NKAIN3: variants seen among roughly 807,000 people sequenced by gnomAD.
NKAIN3 encodes sodium/potassium-transporting ATPase subunit beta-1-interacting protein 3.
A neutral mutation model predicts 30.2 loss-of-function variants in NKAIN3; 25 were observed. The observed-to-expected ratio is 0.83, with a 90% CI of 0.60 to 1.16. The LOEUF (loss-of-function observed/expected upper bound fraction) is 1.16, where lower values mean the gene tolerates loss of function less well. Among genes scored for constraint, NKAIN3 ranks in the 50% most tolerant of loss-of-function variants. The pLI, the probability that NKAIN3 is intolerant of heterozygous loss-of-function variation, is 0.00. For synonymous variants in NKAIN3, 91 were observed against 89.6 expected, an observed-to-expected ratio of 1.02 and a Z score of -0.09; for missense variants, 225 against 254.1, an observed-to-expected ratio of 0.89 and a Z score of 0.78.
chr8:62,579,753 A>G, intron 2 of NKAIN3, 77 bp downstream of exon 2: 1 of 838,008 alleles, frequency 1.2e-6, no homozygotes, highest in Non-Finnish European at 1.7e-6. Context: ...AATATTTCTA[A>G]GTGGCCCCTT....
chr8:62,615,856 T>G (rs1042043895), intron 3 of NKAIN3, among the ~76,000 whole-genome samples: 17 of 152,126 alleles, frequency 1.1e-4, no homozygotes, highest in Non-Finnish European at 2.4e-4. Flanking sequence ...AGGGAAAGGG[T>G]GGCATCTGTG....
At chr8:62,463,536 G>A (rs553321010) in intron 1 of NKAIN3, among the ~76,000 whole-genome samples, 11 of 152,262 alleles carry the variant, frequency 7.2e-5, no homozygotes, top group Admixed American at 5.9e-4. Flanking sequence ...TCTATATACA[G>A]CATGGAAAGC....
chr8:62,306,586 TGTTTA>T (rs1396526805), intron 1 of NKAIN3, among the ~76,000 whole-genome samples: 1 of 148,828 alleles, frequency 6.7e-6, no homozygotes, highest in Non-Finnish European at 1.5e-5. Context: ...GTTGTGTGTG[TGTTTA>T]GTTTATGTGT....
chr8:62,418,961 A>G (rs922643100), intron 1 of NKAIN3, among the ~76,000 whole-genome samples: 1 of 152,166 alleles, frequency 6.6e-6, no homozygotes, highest in Non-Finnish European at 1.5e-5. Context: ...CTCTCCTGGG[A>G]TACAGGATCT....
At chr8:62,451,757 A>C (rs1805649734) in intron 1 of NKAIN3, among the ~76,000 whole-genome samples, 1 of 152,206 alleles carries the variant, frequency 6.6e-6, no homozygotes, top group South Asian at 2.1e-4. Context: ...TGTTGATGGA[A>C]AACTACTCTA....
At chr8:62,963,484 G>A (rs1257151080) in intron 6 of NKAIN3, among the ~76,000 whole-genome samples, 1 of 152,120 alleles carries the variant, frequency 6.6e-6, no homozygotes, top group Admixed American at 6.6e-5. Flanking sequence ...ATACCTACAA[G>A]TTCCCCCAAA....
At chr8:62,824,184 G>C (rs1818945326) in intron 4 of NKAIN3, among the ~76,000 whole-genome samples, 1 of 152,148 alleles carries the variant, frequency 6.6e-6, no homozygotes, top group Non-Finnish European at 1.5e-5. Context: ...CATTGGGTCA[G>C]ACATTTTTCT....
chr8:62,898,205 C>A (rs1022510963), intron 4 of NKAIN3, among the ~76,000 whole-genome samples: 1 of 141,570 alleles, frequency 7.1e-6, no homozygotes, highest in Non-Finnish European at 1.5e-5. Flanking sequence ...TTAGTTTGGG[C>A]AATAAGAAAA....
exon 6 of NKAIN3, chr8:62,999,259 T>C (rs112846341): frequency 6.6e-6 from 1 of 152,202 alleles, no homozygotes; most frequent in African/African-American, 2.4e-5. Flanking sequence ...TGCCGGCACC[T>C]GCTCAGCTTT....
rs76718533 is a variant in NKAIN3 at position 62,464,129 on chromosome 8, G to A, written c.55-115410G>A. 1.4e-3 allele frequency among the ~76,000 whole-genome samples: 216 copies of A among 152,296 alleles called. 2 individuals are homozygous for A. In the East Asian group the frequency reaches 0.027, roughly 19 times the overall value. ...AAATGTACCTTGATATTGTTAAGAT[G>A]TTAACAATGGAGGAAACTGGGTGAG... On this transcript the variant is annotated intron_variant, in intron 1 of 6. Coordinates refer to ENST00000623646, the MANE Select transcript of NKAIN3 (RefSeq NM_001304533.3).
intron 1 of NKAIN3, among the ~76,000 whole-genome samples, chr8:62,423,038 C>G (rs1420181922): frequency 1.3e-5 from 2 of 152,062 alleles, no homozygotes; most frequent in African/African-American, 4.8e-5. Flanking sequence ...TTCCTTCTAA[C>G]AGTGGTTTTT....
intron 3 of NKAIN3, among the ~76,000 whole-genome samples, chr8:62,708,704 G>A (rs917264877): frequency 6.6e-6 from 1 of 152,098 alleles, no homozygotes; most frequent in Non-Finnish European, 1.5e-5. Flanking sequence ...CAATTTGGAT[G>A]CCTTTTATTT....
intron 4 of NKAIN3, among the ~76,000 whole-genome samples, chr8:62,911,243 C>A (rs764236747): frequency 1.3e-5 from 2 of 152,122 alleles, no homozygotes; most frequent in Non-Finnish European, 2.9e-5. Flanking sequence ...TAGCTTTACA[C>A]TGGAAAAGTC....
intron 1 of NKAIN3, among the ~76,000 whole-genome samples, chr8:62,310,529 A>T (rs1015622766): frequency 6.6e-6 from 1 of 150,632 alleles, no homozygotes; most frequent in Non-Finnish European, 1.5e-5. Flanking sequence ...CCTACCCTAC[A>T]GTTGCTGCTA....
chr8:62,292,570 C>G (rs1056491364), intron 1 of NKAIN3, among the ~76,000 whole-genome samples: 1 of 152,184 alleles, frequency 6.6e-6, no homozygotes, highest in Non-Finnish European at 1.5e-5. Context: ...GGCCCCTAAT[C>G]TCTTCTGGCT....
intron 1 of NKAIN3, among the ~76,000 whole-genome samples, chr8:62,369,263 T>A (rs1420308923): frequency 6.6e-6 from 1 of 152,176 alleles, no homozygotes; most frequent in Admixed American, 6.5e-5. Context: ...ACAAATGTCC[T>A]TCTGGTTAAG....
At chr8:62,494,285 GT>G (rs1807163996) in intron 1 of NKAIN3, among the ~76,000 whole-genome samples, 1 of 152,054 alleles carries the variant, frequency 6.6e-6, no homozygotes, top group African/African-American at 2.4e-5. Flanking sequence ...TAATCATGTG[GT>G]TTTTGTCTTT....
chr8:62,871,421 A>AAAAC (rs1031050324), intron 4 of NKAIN3, among the ~76,000 whole-genome samples: 1 of 141,614 alleles, frequency 7.1e-6, no homozygotes, highest in East Asian at 2.0e-4. Context: ...AAAAAAAACA[A>AAAAC]AAACAAACAA....
intron 4 of NKAIN3, among the ~76,000 whole-genome samples, chr8:62,872,180 A>G (rs1820667424): frequency 6.6e-6 from 1 of 152,176 alleles, no homozygotes; most frequent in Non-Finnish European, 1.5e-5. Context: ...AACACCATCT[A>G]GTTTTGTGTA....
Sources: gnomAD v4.1 joint callset for allele counts (sites outside exome capture counted in the v4.1 genomes callset) on GRCh38, gnomAD v4.1.1 for gene constraint, MANE v1.5 for transcripts, NCBI Gene and HGNC (gene_info 2026-07-23, HGNC 2026-07-21) for gene names.